Variants in CTNNA3 observed in about 807,000 individuals in gnomAD.
The protein encoded by CTNNA3 is catenin alpha 3.
Under a neutral mutation model 95.7 loss-of-function variants are expected in CTNNA3, and 76 were observed. The observed-to-expected ratio is 0.79, with a 90% CI of 0.66 to 0.96. CTNNA3 has a LOEUF of 0.96. CTNNA3 is among the 40% of genes least tolerant of loss of function. The pLI is 0.00. For missense variants in CTNNA3, 1,191 were observed against 1,089.8 expected (o/e 1.09, Z -1.31); for synonymous variants, 431 against 374.4 (o/e 1.15, Z -1.74).
chr10:66,502,616 C>T (rs1840314927), intron 11 of CTNNA3, among the ~76,000 whole-genome samples: 1 of 152,054 alleles, frequency 6.6e-6, no homozygotes, highest in South Asian at 2.1e-4. Context: ...ATAAAACTTG[C>T]TCATCCACTC....
chr10:66,125,348 A>C (rs2082771612), intron 13 of CTNNA3, among the ~76,000 whole-genome samples: 1 of 152,170 alleles, frequency 6.6e-6, no homozygotes, highest in Admixed American at 6.5e-5. Flanking sequence ...GGAATTGAGA[A>C]TACTGTATTG....
chr10:66,463,127 T>C (rs1379248865), intron 11 of CTNNA3, among the ~76,000 whole-genome samples: 1 of 152,188 alleles, frequency 6.6e-6, no homozygotes, highest in Non-Finnish European at 1.5e-5. Flanking sequence ...CGAGTTTAGC[T>C]ATTTATCCAC....
chr10:67,729,390 C>T (rs1841262279), intron 1 of CTNNA3, among the ~76,000 whole-genome samples: 1 of 152,094 alleles, frequency 6.6e-6, no homozygotes, highest in Non-Finnish European at 1.5e-5. Flanking sequence ...ATTTTTCCTA[C>T]TCTCTAACCT....
intron 9 of CTNNA3, among the ~76,000 whole-genome samples, chr10:66,644,514 C>T (rs1845638079): frequency 6.7e-6 from 1 of 148,668 alleles, no homozygotes; most frequent in African/African-American, 2.5e-5. Flanking sequence ...ATATTAGACA[C>T]TATGTAAATG....
intron 7 of CTNNA3, among the ~76,000 whole-genome samples, chr10:67,026,313 G>A (rs1853388040): frequency 1.3e-5 from 2 of 151,942 alleles, no homozygotes; most frequent in African/African-American, 2.4e-5. Context: ...TGGCAATCCA[G>A]ATTCAAGTAG....
At chr10:67,312,210 T>C (rs994921446) in intron 5 of CTNNA3, among the ~76,000 whole-genome samples, 1 of 151,832 alleles carries the variant, frequency 6.6e-6, no homozygotes, top group Non-Finnish European at 1.5e-5. Context: ...GTAGCTGGGA[T>C]TACAGGCACG....
At chr10:67,427,739 AG>A (rs1366684857) in intron 5 of CTNNA3, among the ~76,000 whole-genome samples, 4 of 152,068 alleles carry the variant, frequency 2.6e-5, no homozygotes, top group African/African-American at 9.7e-5. Context: ...TGGGGGTCTG[AG>A]GATTCAGATC....
chr10:67,158,765 A>G (rs1384223328), intron 7 of CTNNA3, among the ~76,000 whole-genome samples: 7 of 152,102 alleles, frequency 4.6e-5, no homozygotes, highest in Admixed American at 4.6e-4. Context: ...AATGATAAAA[A>G]GCTTCATCGC....
chr10:66,411,834 C>G (rs1266564389), intron 11 of CTNNA3, among the ~76,000 whole-genome samples: 1 of 152,088 alleles, frequency 6.6e-6, no homozygotes, highest in Admixed American at 6.5e-5. Context: ...TGCAGAGTTC[C>G]TCCAGGAAAC....
intron 7 of CTNNA3, chr10:66,928,065 G>C (rs1263993846): frequency 6.2e-7 from 1 of 1,614,052 alleles, no homozygotes; most frequent in Non-Finnish European, 8.5e-7. Flanking sequence ...TTAAGCCCAA[G>C]CTCCCCAGGC....
intron 17 of CTNNA3, among the ~76,000 whole-genome samples, chr10:65,957,733 T>C (rs1282552671): frequency 6.6e-6 from 1 of 152,224 alleles, no homozygotes; most frequent in Non-Finnish European, 1.5e-5. Context: ...TTCTGGCTTG[T>C]AGAGTTTCTG....
intron 1 of CTNNA3, among the ~76,000 whole-genome samples, chr10:67,691,765 G>A (rs1310615816): frequency 6.7e-6 from 1 of 149,694 alleles, no homozygotes; most frequent in African/African-American, 2.5e-5. Flanking sequence ...GGAGGTGGGG[G>A]GGTCAGCCCC....
At chr10:67,295,743 T>C (rs543656845) in intron 5 of CTNNA3, among the ~76,000 whole-genome samples, 2 of 152,324 alleles carry the variant, frequency 1.3e-5, no homozygotes, top group Non-Finnish European at 2.9e-5. Flanking sequence ...ATGTGGGTTT[T>C]AATTAGCTGG....
Position 67,380,007 on chromosome 10 carries a change from T to A in CTNNA3, c.579+141835A>T, listed in dbSNP as rs7913968. 2.2e-4 allele frequency among the ~76,000 whole-genome samples: 25 copies of A among 115,258 alleles called. No individual in the cohort carries two copies. The East Asian group carries it at 6.2e-3, about 28-fold the overall frequency. The allele number at this position is 115,258 out of a possible 152,430, so 75.6% of individuals were successfully genotyped here. ...CTGCACTCCAGCCTGGGCGACAGAGTGAGACTCCGTCTCAAAAAAAAAAAA... is the reference window on the plus strand; with the variant it reads ...CTGCACTCCAGCCTGGGCGACAGAGAGAGACTCCGTCTCAAAAAAAAAAAA... On this transcript the variant is annotated intron_variant, in intron 5 of 17. Transcript: ENST00000433211.
At chr10:66,989,050 T>C (rs903105018) in intron 7 of CTNNA3, among the ~76,000 whole-genome samples, 10 of 152,150 alleles carry the variant, frequency 6.6e-5, no homozygotes, top group Admixed American at 5.9e-4. Context: ...TCGTTACCTC[T>C]CATAGCAAGA....
At chr10:66,813,531 G>A (rs908040269) in intron 7 of CTNNA3, among the ~76,000 whole-genome samples, 6 of 152,032 alleles carry the variant, frequency 3.9e-5, no homozygotes, top group African/African-American at 1.4e-4. Context: ...TAATAGCTTT[G>A]CTGTAAAGAA....
chr10:67,175,403 T>G (rs1245582217), intron 7 of CTNNA3, among the ~76,000 whole-genome samples: 1 of 152,048 alleles, frequency 6.6e-6, no homozygotes, highest in East Asian at 1.9e-4. Context: ...CGTGTAGGCT[T>G]TATATGAATT....
At chr10:67,713,538 T>TA (rs1391592281) in intron 1 of CTNNA3, among the ~76,000 whole-genome samples, 2 of 152,216 alleles carry the variant, frequency 1.3e-5, no homozygotes, top group Non-Finnish European at 1.5e-5. Flanking sequence ...CCAACCCAGA[T>TA]GCCCATCAAT....
intron 9 of CTNNA3, among the ~76,000 whole-genome samples, chr10:66,763,334 ACACACAC>A (rs1839682199): frequency 1.3e-5 from 1 of 74,350 alleles, no homozygotes; most frequent in African/African-American, 4.5e-5. Flanking sequence ...ACACACACAC[ACACACAC>A]AGAGAGAGAG....
Sources: gnomAD v4.1 joint callset for allele counts (sites outside exome capture counted in the v4.1 genomes callset) on GRCh38, gnomAD v4.1.1 for gene constraint, MANE v1.5 for transcripts, NCBI Gene and HGNC (gene_info 2026-07-23, HGNC 2026-07-21) for gene names.